The following TMPRSS13 variants were observed in gnomAD, a reference collection of about 807,000 sequenced individuals.
TMPRSS13 encodes the protein transmembrane protease serine 13.
A neutral mutation model predicts 68.4 loss-of-function variants in TMPRSS13; 50 were observed. The observed-to-expected ratio is 0.73, with a 90% CI of 0.58 to 0.93. TMPRSS13 has a LOEUF of 0.93. Among genes scored for constraint, TMPRSS13 ranks in the 40% least tolerant of loss-of-function variants. The pLI is 0.00. For missense variants in TMPRSS13, 615 were observed against 729.2 expected, an observed-to-expected ratio of 0.84 and a Z score of 1.80; for synonymous variants, 267 against 285.8, an observed-to-expected ratio of 0.93 and a Z score of 0.66.
intron 1 of TMPRSS13, among the ~76,000 whole-genome samples, chr11:117,929,042 T>C (rs561981053): frequency 2.0e-5 from 3 of 152,320 alleles, no homozygotes; most frequent in Admixed American, 6.5e-5. Flanking sequence ...CTCAGCCACA[T>C]AGCCCTGGGG....
At chr11:117,916,157 T>G (rs1337209661) in intron 3 of TMPRSS13, among the ~76,000 whole-genome samples, 1 of 152,164 alleles carries the variant, frequency 6.6e-6, no homozygotes, top group Non-Finnish European at 1.5e-5. Flanking sequence ...AACAGAATCC[T>G]TACTCTTTGG....
chr11:117,903,546 A>C (rs758666252), intron 12 of TMPRSS13, 109 bp downstream of exon 12: 3 of 1,578,790 alleles, frequency 1.9e-6, no homozygotes. Flanking sequence ...CCCCCCGAAT[A>C]TGGGGACGCT....
At position 117,914,641 on chromosome 11, in the gene TMPRSS13, C is replaced by A. The variant is rs2057557567; in HGVS notation, c.557-127G>T. The A allele has an allele frequency of 2.7e-6, 4 of 1,492,868 alleles. No individual in the cohort carries two copies. The highest frequency in any genetic ancestry group is 3.6e-6 in the Non-Finnish European group (4 of 1,113,258). 92.5% of individuals were successfully genotyped at this position (1,492,868 alleles called of 1,614,324 possible). ...CCCTCTTGAACTCTGGGGCTCTCAT[C>A]CCCCATCTGTATGGAGAGAAAGGCT... On this transcript the variant is annotated intron_variant, in intron 3 of 12. Transcript: ENST00000524993. This position sits in a 1 kb window ranked among gnomAD's most constrained non-coding sequence, Gnocchi z 4.2.
chr11:117,903,170 G>A, intron 12 of TMPRSS13: 12 of 1,381,838 alleles, frequency 8.7e-6, no homozygotes, highest in Non-Finnish European at 1.1e-5. Context: ...TGTGAAAGTT[G>A]TCAGAGTTAA....
In TMPRSS13 at chr11:117,914,617, C is replaced by G. The variant is rs2057557144; in HGVS notation, c.557-103G>C. On this transcript the variant is annotated intron_variant, in intron 3 of 12. Transcript: ENST00000524993. The surrounding 1 kb of genome is among the most constrained non-coding windows in gnomAD (Gnocchi z 4.2). ...GGTTCTGAGACACCGACCTGCAATC[C>G]CTCTTGAACTCTGGGGCTCTCATCC... 6.4e-6 allele frequency: 10 copies of G among 1,550,496 alleles called. No homozygotes were observed. Among genetic ancestry groups the G allele is most frequent in the Non-Finnish European group, 7.8e-6 (9 of 1,151,572 alleles).
intron 1 of TMPRSS13, among the ~76,000 whole-genome samples, chr11:117,925,866 C>A (rs2057700395): frequency 6.6e-6 from 1 of 152,270 alleles, no homozygotes. Flanking sequence ...ACACACACTC[C>A]CGCACGCTTA....
chr11:117,902,368 A>G, intron 12 of TMPRSS13, 103 bp from the exon 13 acceptor site: 1 of 1,253,058 alleles, frequency 8.0e-7, no homozygotes, highest in Non-Finnish European at 1.2e-6. Flanking sequence ...CCTCGCTGTC[A>G]CCTAGCACTG....
intron 9 of TMPRSS13, chr11:117,907,683 C>T: frequency 6.2e-6 from 3 of 483,644 alleles, no homozygotes; most frequent in Non-Finnish European, 8.1e-6. Context: ...CGGGACCCAC[C>T]TTGGCTATCC....
In TMPRSS13 at chr11:117,903,003, A is replaced by C. The variant is rs534272933; in HGVS notation, c.1677+652T>G. On this transcript the variant is annotated intron_variant, in intron 12 of 12. Coordinates refer to ENST00000524993, the MANE Select transcript of TMPRSS13 (RefSeq NM_001077263.3). ...AGTTTGACCTGAGCAATGACTTCTG[A>C]GGTTGGATATAGGTTAAAGCAAGTC... 1.9e-5 allele frequency: 19 copies of C among 1,026,550 alleles called. No individual in the cohort carries two copies. The African/African-American group carries it at 2.9e-4, about 16-fold the overall frequency. 63.6% of individuals were successfully genotyped at this position (1,026,550 alleles called of 1,614,324 possible). A position where few individuals can be genotyped will look rare whatever the true frequency, so the allele number is the denominator to read the frequency against.
intron 2 of TMPRSS13, among the ~76,000 whole-genome samples, chr11:117,917,661 T>C (rs1326033507): frequency 6.6e-6 from 1 of 152,148 alleles, no homozygotes; most frequent in Non-Finnish European, 1.5e-5. Context: ...GGTGAGTTAG[T>C]GGCAGAGTAG....
chr11:117,904,425 A>G (rs2057443139), intron 10 of TMPRSS13, among the ~76,000 whole-genome samples: 1 of 152,166 alleles, frequency 6.6e-6, no homozygotes, highest in South Asian at 2.1e-4. Flanking sequence ...CCTCAGATAC[A>G]TGGCTTTGTT....
chr11:117,902,033 G>A lies in TMPRSS13; in HGVS notation c.*206C>T. Reference sequence around the variant, plus strand: ...TTGAGAAGAGTTGACAGCTCTGCTGGTTTCTGAAAAACTTGGGAGAGTGGC... The same window carrying A: ...TTGAGAAGAGTTGACAGCTCTGCTGATTTCTGAAAAACTTGGGAGAGTGGC... On this transcript the variant is annotated 3_prime_UTR_variant, in exon 13 of 13. Transcript: ENST00000524993. 1 of 624,830 alleles carries A rather than the reference G, an allele frequency of 1.6e-6. No individual in the cohort carries two copies. Among genetic ancestry groups the A allele is most frequent in the Non-Finnish European group, 2.8e-6 (1 of 352,506 alleles). The allele number at this position is 624,830 out of a possible 1,614,324, so 38.7% of individuals were successfully genotyped here.
At chr11:117,905,943 G>T (rs1253002866) in intron 9 of TMPRSS13, among the ~76,000 whole-genome samples, 1 of 152,162 alleles carries the variant, frequency 6.6e-6, no homozygotes, top group Non-Finnish European at 1.5e-5. Context: ...ACCAGCATTT[G>T]GGGGCTACCA....
chr11:117,920,885 C>T (rs2057638451), intron 1 of TMPRSS13, among the ~76,000 whole-genome samples: 1 of 152,214 alleles, frequency 6.6e-6, no homozygotes, highest in Non-Finnish European at 1.5e-5. Context: ...ACTGCGTTTC[C>T]TGGGCAAGCG....
intron 1 of TMPRSS13, among the ~76,000 whole-genome samples, chr11:117,920,480 A>G (rs2057632726): frequency 6.6e-6 from 1 of 151,970 alleles, no homozygotes; most frequent in African/African-American, 2.4e-5. Flanking sequence ...CTGGGACTAC[A>G]GGTGTGCACC....
In TMPRSS13 at chr11:117,918,613, GGGCTGGAGATGC is replaced by G. The variant is rs1271482419; in HGVS notation, c.235_246del (p.Ala79_Ala82del). ...GGAGATGCCCGGGCTGGAGATGCCT[GGGCTGGAGATGC>G]CTGGGCTGGAGATGCCCGGCCTGGA... is the stretch of plus-strand genomic sequence containing the variant. On this transcript the variant is annotated inframe_deletion, in exon 2 of 13. Coordinates refer to ENST00000524993, the MANE Select transcript of TMPRSS13 (RefSeq NM_001077263.3). 1.4e-6 allele frequency: 2 copies of G among 1,384,670 alleles called. No homozygotes were observed. The highest frequency in any genetic ancestry group is 1.9e-6 in the Non-Finnish European group (2 of 1,062,408). The allele number at this position is 1,384,670 out of a possible 1,614,324, so 85.8% of individuals were successfully genotyped here.
chr11:117,923,701 G>T (rs1269643203), intron 1 of TMPRSS13, among the ~76,000 whole-genome samples: 2 of 152,092 alleles, frequency 1.3e-5, no homozygotes, highest in Non-Finnish European at 2.9e-5. Context: ...GGGGAGACGG[G>T]GGAGGGATAG....
At chr11:117,910,969 C>G (rs1174204621) in intron 6 of TMPRSS13, among the ~76,000 whole-genome samples, 9 of 152,218 alleles carry the variant, frequency 5.9e-5, no homozygotes, top group African/African-American at 2.2e-4. Flanking sequence ...CATCTCCACT[C>G]TCATCCCCTC....
Position 117,904,142 on chromosome 11 carries a change from C to T in TMPRSS13, c.1382-41G>A, listed in dbSNP as rs777163540. On this transcript the variant is annotated intron_variant, in intron 10 of 12. Transcript: ENST00000524993. Reference sequence around the variant, plus strand: ...GTGGAGGAGACAGAGGATGGGAAGCCAGTGAGATTCTAGATAGCTTCCTGG... The same window carrying T: ...GTGGAGGAGACAGAGGATGGGAAGCTAGTGAGATTCTAGATAGCTTCCTGG... 4 of 1,602,906 alleles carry T rather than the reference C, an allele frequency of 2.5e-6. No individual in the cohort carries two copies. In the East Asian group the frequency reaches 8.9e-5, roughly 36 times the overall value.
Sources: allele counts gnomAD v4.1 joint callset (sites outside exome capture counted in the v4.1 genomes callset), GRCh38; gene constraint gnomAD v4.1.1; non-coding constraint Gnocchi (gnomAD v3.1); transcripts MANE v1.5; gene names NCBI Gene and HGNC (gene_info 2026-07-23, HGNC 2026-07-21).